Variants in GRIN2A observed in about 807,000 individuals in gnomAD.
GRIN2A encodes the protein glutamate ionotropic receptor NMDA type subunit 2A, also known as glutamate receptor ionotropic, NMDA 2A.
In GRIN2A, 22 loss-of-function variants were observed where a neutral mutation model predicts 113.4. The ratio of observed to expected loss-of-function variants is 0.19; its 90% confidence interval spans 0.14 to 0.28. GRIN2A has a LOEUF of 0.28. GRIN2A is among the 10% of genes least tolerant of loss of function. The probability of loss-of-function intolerance (pLI) is 1.00; values close to 1 mark genes in which losing one functional copy is unlikely to be tolerated. For synonymous variants in GRIN2A, 827 were observed against 738.4 expected (o/e 1.12, Z -1.94); for missense variants, 1,502 against 1,887.0 (o/e 0.80, Z 3.78).
chr16:10,096,573 C>CACACACACAT (rs1555478915), intron 2 of GRIN2A, among the ~76,000 whole-genome samples: 13 of 149,266 alleles, frequency 8.7e-5, no homozygotes, highest in African/African-American at 3.0e-4. Flanking sequence ...CACACACACA[C>CACACACACAT]TTTACTCTCT....
chr16:10,104,577 C>T (rs905536186), intron 2 of GRIN2A, among the ~76,000 whole-genome samples: 7 of 152,154 alleles, frequency 4.6e-5, no homozygotes, highest in Non-Finnish European at 7.3e-5. Context: ...CACAATTTTA[C>T]GTGGTTATGG....
chr16:9,877,706 T>C (rs1295436888), intron 4 of GRIN2A, among the ~76,000 whole-genome samples: 1 of 125,962 alleles, frequency 7.9e-6, no homozygotes, highest in Non-Finnish European at 1.6e-5. Flanking sequence ...TCAGGCCCTC[T>C]CTATCTCTTC....
At chr16:10,037,097 A>G (rs959128188) in intron 2 of GRIN2A, 2 of 152,142 alleles carry the variant, frequency 1.3e-5, no homozygotes, top group Admixed American at 6.5e-5. Flanking sequence ...ACCTCCCTGG[A>G]TGGATGGAGC....
At chr16:9,869,163 G>A (rs1596519681) in intron 4 of GRIN2A, among the ~76,000 whole-genome samples, 1 of 152,128 alleles carries the variant, frequency 6.6e-6, no homozygotes, top group East Asian at 1.9e-4. Flanking sequence ...AGCCAGGAGC[G>A]GTGGCTCACA....
At chr16:10,178,355 T>G (rs1307295965) in intron 2 of GRIN2A, among the ~76,000 whole-genome samples, 1 of 152,228 alleles carries the variant, frequency 6.6e-6, no homozygotes, top group East Asian at 1.9e-4. Context: ...TTTAGTGGAA[T>G]GGAAGATCAC....
chr16:10,166,404 C>T (rs966178772), intron 2 of GRIN2A, among the ~76,000 whole-genome samples: 8 of 152,196 alleles, frequency 5.3e-5, no homozygotes, highest in African/African-American at 1.9e-4. Flanking sequence ...GAACTCAATT[C>T]TGCTCCTCCA....
rs150091466 is a variant in GRIN2A, at chr16:10,144,036, G to A, written c.414+35962C>T. ...TCTTGGATAATGCCATAATGAACAT[G>A]AGTGAACATGAGGGTACAGATATTT... is the stretch of plus-strand genomic sequence containing the variant. On this transcript the variant is annotated intron_variant, in intron 2 of 12. Coordinates refer to ENST00000330684, the MANE Select transcript of GRIN2A (RefSeq NM_001134407.3). 2.1e-3 allele frequency among the ~76,000 whole-genome samples: 325 copies of A among 152,146 alleles called. 3 individuals carry two copies. Among genetic ancestry groups the A allele is most frequent in the African/African-American group, 7.6e-3 (316 of 41,510 alleles).
chr16:9,760,374 A>ATTTTTTTGTTTTTTTTTTTTTTTT lies in GRIN2A; in HGVS notation c.*2774_*2775insAAAAAAAAAAAAAAAACAAAAAAA, dbSNP rs1900528914. The stretch of plus-strand genomic sequence containing the variant: ...AAATTGACCATCTGATCAGTAGTTG[A>ATTTTTTTGTTTTTTTTTTTTTTTT]TTTTTTTTTTTTTTTTTTTTTTTTG... On this transcript the variant is annotated 3_prime_UTR_variant, in exon 13 of 13. Transcript: ENST00000330684. 1.1e-5 allele frequency: 1 copy of ATTTTTTTGTTTTTTTTTTTTTTTT among 89,550 alleles called. No individual in the cohort carries two copies. The highest frequency in any genetic ancestry group is 1.9e-5 in the Non-Finnish European group (1 of 51,648). The allele number at this position is 89,550 out of a possible 1,614,324, so 5.5% of individuals were successfully genotyped here.
intron 3 of GRIN2A, among the ~76,000 whole-genome samples, chr16:9,902,347 G>C (rs564695659): frequency 1.1e-4 from 16 of 152,296 alleles, no homozygotes; most frequent in Non-Finnish European, 1.8e-4. Flanking sequence ...ATGCAGATAT[G>C]ATGGCTGGAG....
At chr16:9,940,549 C>A (rs1291600456) in intron 2 of GRIN2A, among the ~76,000 whole-genome samples, 3 of 152,090 alleles carry the variant, frequency 2.0e-5, no homozygotes, top group African/African-American at 7.2e-5. Context: ...CAGAACCTGG[C>A]AGAAGTCTTG....
chr16:10,048,303 C>T (rs1319793253), intron 2 of GRIN2A, among the ~76,000 whole-genome samples: 3 of 152,144 alleles, frequency 2.0e-5, no homozygotes, highest in Non-Finnish European at 4.4e-5. Flanking sequence ...AGCAATTATT[C>T]CTTTTAATTC....
chr16:9,982,485 C>A (rs1428919144), intron 2 of GRIN2A, among the ~76,000 whole-genome samples: 1 of 152,178 alleles, frequency 6.6e-6, no homozygotes, highest in East Asian at 1.9e-4. Flanking sequence ...CCTTTGTCAG[C>A]TATTTGGCCT....
At chr16:10,115,131 T>A (rs1414099070) in intron 2 of GRIN2A, among the ~76,000 whole-genome samples, 1 of 152,258 alleles carries the variant, frequency 6.6e-6, no homozygotes, top group Non-Finnish European at 1.5e-5. Context: ...CAATTGTATA[T>A]AAAGTAAAAG....
intron 2 of GRIN2A, among the ~76,000 whole-genome samples, chr16:9,988,963 C>T (rs181110162): frequency 1.9e-4 from 29 of 152,286 alleles, no homozygotes; most frequent in Middle Eastern, 3.4e-3. Flanking sequence ...GTCCATTATT[C>T]TGTCCAAATA....
chr16:10,098,465 A>C (rs909275003), intron 2 of GRIN2A, among the ~76,000 whole-genome samples: 4 of 152,232 alleles, frequency 2.6e-5, no homozygotes, highest in Non-Finnish European at 5.9e-5. Context: ...ATCTACCCAG[A>C]GGAAAAGAAG....
intron 2 of GRIN2A, among the ~76,000 whole-genome samples, chr16:10,163,046 T>C (rs1435051342): frequency 6.6e-6 from 1 of 152,208 alleles, no homozygotes; most frequent in African/African-American, 2.4e-5. Context: ...AAGATTATTT[T>C]TATGCTTCTG....
intron 4 of GRIN2A, among the ~76,000 whole-genome samples, chr16:9,883,732 G>A (rs1016082685): frequency 3.9e-5 from 6 of 152,246 alleles, no homozygotes; most frequent in African/African-American, 1.4e-4. Context: ...GTGTGGTGCT[G>A]TAGGCAAGTC....
At chr16:9,953,868 G>C (rs2045241375) in intron 2 of GRIN2A, among the ~76,000 whole-genome samples, 1 of 152,314 alleles carries the variant, frequency 6.6e-6, no homozygotes, top group South Asian at 2.1e-4. Context: ...CACAACCTCA[G>C]AGTGGTCCAG....
intron 4 of GRIN2A, among the ~76,000 whole-genome samples, chr16:9,871,905 G>A (rs1338191998): frequency 6.6e-6 from 1 of 152,202 alleles, no homozygotes; most frequent in Non-Finnish European, 1.5e-5. Flanking sequence ...GAAAGTAGCA[G>A]AAGTTAGTAG....
Sources: gnomAD v4.1 joint callset for allele counts (sites outside exome capture counted in the v4.1 genomes callset) on GRCh38, gnomAD v4.1.1 for gene constraint, MANE v1.5 for transcripts, NCBI Gene and HGNC (gene_info 2026-07-23, HGNC 2026-07-21) for gene names.